Variants in MCM4 observed in about 807,000 individuals in gnomAD.
The protein encoded by MCM4 is DNA replication licensing factor MCM4.
A neutral mutation model predicts 88.7 loss-of-function variants in MCM4; 60 were observed. That is an observed-to-expected ratio of 0.68 (90% CI 0.55 to 0.84). MCM4 has a LOEUF of 0.84. Ranked by LOEUF, MCM4 falls within the 40% of genes least tolerant of loss-of-function variation. MCM4 has a pLI of 0.00. For synonymous variants in MCM4, 465 were observed against 410.5 expected, an observed-to-expected ratio of 1.13 and a Z score of -1.61; for missense variants, 1,149 against 1,105.5, an observed-to-expected ratio of 1.04 and a Z score of -0.56.
At chr8:47,972,093 G>A (rs17334458) in intron 13 of MCM4, among the ~76,000 whole-genome samples, 1,532 of 151,890 alleles carry the variant, frequency 0.01, 29 homozygotes, top group African/African-American at 0.034. Flanking sequence ...TTAGCCCGGC[G>A]TGGCGGCGCA....
Position 47,963,003 on chromosome 8 carries a change from A to G in MCM4, c.656A>G (p.Asp219Gly), listed in dbSNP as rs1317472119. 2 of 1,607,376 alleles carry G rather than the reference A, an allele frequency of 1.2e-6. No homozygotes were observed. The highest frequency in any genetic ancestry group is 8.5e-7 in the Non-Finnish European group (1 of 1,177,594). The change falls in exon 7 of 17, where the codon GAC (aspartate) becomes GGC (glycine). Residue 219 changes from aspartate (D) to glycine (G), a missense_variant. Coordinates refer to ENST00000649973, the MANE Select transcript of MCM4 (RefSeq NM_182746.3). Reference protein sequence around the residue: ...NVNCEHIKSFDKNLYRQLISY... With the variant: ...NVNCEHIKSFGKNLYRQLISY... ...AACTGTGAACACATCAAATCATTTG[A>G]CAAAAATTTGTACAGACAACTCATC...
rs978156509 is a variant in MCM4, at chr8:47,974,413, G to A, written c.2137-321G>A. ...TCACAGCCTTCTCCTCTCCCCACAT[G>A]CCACATTCCTTCCCTCTGCCACGCC... On this transcript the variant is annotated intron_variant, in intron 14 of 16. Transcript: ENST00000649973. The A allele has an allele frequency of 4.7e-5, 14 of 298,994 alleles. No homozygotes were observed. In the Admixed American group the frequency reaches 6.2e-4, roughly 13 times the overall value. 18.5% of individuals were successfully genotyped at this position (298,994 alleles called of 1,614,324 possible).
At chr8:47,971,007 AT>A in intron 12 of MCM4, 131 bp downstream of exon 12, 1 of 1,112,388 alleles carries the variant, frequency 9.0e-7, no homozygotes, top group Non-Finnish European at 1.3e-6. Context: ...TTTCCACATC[AT>A]ATTTCAGCTA....
intron 10 of MCM4, 156 bp from the exon 11 acceptor site, chr8:47,969,642 G>C (rs888795273): frequency 1.5e-6 from 1 of 660,554 alleles, no homozygotes; most frequent in Non-Finnish European, 2.6e-6. Context: ...TCCTGGGCTT[G>C]GGAGGGTCAT....
chr8:47,965,863 A>C (rs1201278496), intron 8 of MCM4, among the ~76,000 whole-genome samples: 2 of 152,210 alleles, frequency 1.3e-5, no homozygotes, highest in Non-Finnish European at 1.5e-5. Flanking sequence ...GGCTAGGGTC[A>C]GGACTCAGTC....
chr8:47,966,371 C>G lies in MCM4; in HGVS notation c.1017C>G (p.Leu339=). ...GCCACACCACCCACAGCATGGCACT[C>G]ATCCACAACCGCTCCCTCTTCTCTG... ...GRCHTTHSMA[L]IHNRSLFSDK... is the part of the protein sequence containing the mutation. The change falls in exon 9 of 17, where the codon CTC becomes CTG. Residue 339 remains leucine (L), a synonymous_variant. Transcript: ENST00000649973. 2 of 1,613,340 alleles carry G rather than the reference C, an allele frequency of 1.2e-6. No homozygotes were observed. Among genetic ancestry groups the G allele is most frequent in the Non-Finnish European group, 1.7e-6 (2 of 1,179,552 alleles).
chr8:47,961,053 G>A (rs2090818972), intron 1 of MCM4, 39 bp downstream of exon 1: 3 of 1,366,416 alleles, frequency 2.2e-6, no homozygotes, highest in African/African-American at 1.5e-5. Context: ...GCGCGGAGCC[G>A]ACGGGAACGT....
rs764079802 is a variant in MCM4 at position 47,963,030 on chromosome 8, C to G, written c.683C>G (p.Ser228Cys). The change falls in exon 7 of 17, where the codon TCT becomes TGT. Residue 228 changes from serine to cysteine, a missense_variant. Ser to Cys is a moderately radical substitution (Grantham distance 112). Transcript: ENST00000649973. ...FDKNLYRQLI[S>C]YPQEVIPTFD... Reference sequence around the variant, plus strand: ...AAAAATTTGTACAGACAACTCATCTCTTACCCACAGGTAAGAATTTAGCTT... The same window carrying G: ...AAAAATTTGTACAGACAACTCATCTGTTACCCACAGGTAAGAATTTAGCTT... The G allele has an allele frequency of 3.0e-5, 48 of 1,587,736 alleles. No individual in the cohort carries two copies. Among genetic ancestry groups the G allele is most frequent in the Non-Finnish European group, 3.6e-5 (42 of 1,164,810 alleles).
chr8:47,969,132 A>C (rs1216929858), intron 10 of MCM4: 2 of 152,490 alleles, frequency 1.3e-5, no homozygotes, highest in Non-Finnish European at 2.9e-5. Flanking sequence ...GGGCATGCTC[A>C]CGTAGCTACA....
chr8:47,976,976 A>G lies in MCM4; in HGVS notation c.*198A>G, dbSNP rs2091007213. 2 of 450,164 alleles carry G rather than the reference A, an allele frequency of 4.4e-6. No individual in the cohort carries two copies. The highest frequency in any genetic ancestry group is 8.2e-6 in the Non-Finnish European group (2 of 244,294). The allele number at this position is 450,164 out of a possible 1,614,324, so 27.9% of individuals were successfully genotyped here. ...TTTTTTTCACGTTATAAATAAAAATACTATGCTGGCCGGGCGCGGTGGCTC... is the reference window on the plus strand; with the variant it reads ...TTTTTTTCACGTTATAAATAAAAATGCTATGCTGGCCGGGCGCGGTGGCTC... On this transcript the variant is annotated 3_prime_UTR_variant, in exon 17 of 17. Transcript: ENST00000649973.
rs569961103 is a variant in MCM4 at position 47,962,178 on chromosome 8, G to A, written c.361G>A (p.Ala121Thr). Residue 121 changes from alanine (A) to threonine (T), a missense_variant, in exon 4 of 17, where the codon GCA becomes ACA. This residue lies in a region of MCM4 where 906 missense variants were observed against 843.0 expected (regional missense o/e 1.07). Transcript: ENST00000649973. Reference sequence around the variant, plus strand: ...GAGACAGAGGCCTGACCTGGGCTCTGCACAGAAGGGCCTGCAAGTGGATCT... The same window carrying A: ...GAGACAGAGGCCTGACCTGGGCTCTACACAGAAGGGCCTGCAAGTGGATCT... ...PVRQRPDLGS[A>T]QKGLQVDLQS... 2.5e-6 allele frequency: 4 copies of A among 1,614,212 alleles called. No individual in the cohort carries two copies. The highest frequency in any genetic ancestry group is 3.4e-6 in the Non-Finnish European group (4 of 1,180,036).
At chr8:47,974,603 A>G (rs2090984852) in intron 14 of MCM4, 131 bp from the exon 15 acceptor site, 1 of 716,558 alleles carries the variant, frequency 1.4e-6, no homozygotes. Context: ...CCACTTGATG[A>G]GCTCCGGGGC....
chr8:47,973,087 T>G, intron 14 of MCM4, 23 bp downstream of exon 14: 1 of 1,600,790 alleles, frequency 6.2e-7, no homozygotes, highest in Non-Finnish European at 8.5e-7. Flanking sequence ...AAAAAAGGCT[T>G]ACTGTGCCTG....
intron 7 of MCM4, 73 bp downstream of exon 7, chr8:47,963,113 C>T (rs2090862438): frequency 5.5e-6 from 5 of 904,014 alleles, no homozygotes; most frequent in Non-Finnish European, 6.9e-6. Flanking sequence ...AACAGAAATT[C>T]TTCAGTAATG....
intron 1 of MCM4, 29 bp downstream of exon 1, chr8:47,961,043 G>T (rs1200497674): frequency 9.4e-6 from 12 of 1,280,598 alleles, no homozygotes; most frequent in Non-Finnish European, 1.0e-5. Flanking sequence ...GGAGGGCGTG[G>T]CGCGGAGCCG....
At position 47,974,589 on chromosome 8, in the gene MCM4, T is replaced by C. The variant is rs1022798511; in HGVS notation, c.2137-145T>C. On this transcript the variant is annotated intron_variant, in intron 14 of 16. Transcript: ENST00000649973. ...ATTTCTGTGGTCTGTCTGTGTAGTC[T>C]CTACCACTTGATGAGCTCCGGGGCC... 6 of 687,114 alleles carry C rather than the reference T, an allele frequency of 8.7e-6. No homozygotes were observed. The African/African-American group carries it at 8.9e-5, about 10-fold the overall frequency. The allele number at this position is 687,114 out of a possible 1,614,324, so 42.6% of individuals were successfully genotyped here.
At chr8:47,967,267 C>G in intron 9 of MCM4, 98 bp from the exon 10 acceptor site, 1 of 1,357,934 alleles carries the variant, frequency 7.4e-7, no homozygotes, top group Non-Finnish European at 1.0e-6. Context: ...GGGATATGCA[C>G]TGCAGCCTTA....
At chr8:47,967,064 A>C (rs11997233) in intron 9 of MCM4, among the ~76,000 whole-genome samples, 1 of 152,220 alleles carries the variant, frequency 6.6e-6, no homozygotes, top group African/African-American at 2.4e-5. Context: ...AAAGCCCAGC[A>C]TCCTTAGGCC....
rs981543377 is a variant in MCM4, at chr8:47,966,526, T to C, written c.1053+119T>C. On this transcript the variant is annotated intron_variant, in intron 9 of 16. Transcript: ENST00000649973. ...TTCCCGAATGGCATCCATCCCTCTC[T>C]GGTCTTGTGGGTTTCGTTAGTGGCC... 13 of 1,020,406 alleles carry C rather than the reference T, an allele frequency of 1.3e-5. 1 individual carries two copies. Among genetic ancestry groups the C allele is most frequent in the African/African-American group, 1.6e-5 (1 of 62,156 alleles). 63.2% of individuals were successfully genotyped at this position (1,020,406 alleles called of 1,614,324 possible).
Sources: allele counts gnomAD v4.1 joint callset (sites outside exome capture counted in the v4.1 genomes callset), GRCh38; gene constraint gnomAD v4.1.1; regional missense constraint gnomAD v4.1.1; transcripts MANE v1.5; gene names NCBI Gene and HGNC (gene_info 2026-07-23, HGNC 2026-07-21).